The following RNF145 variants were observed in gnomAD, a reference collection of about 807,000 sequenced individuals.
RNF145 encodes the protein ring finger protein 145.
In RNF145, 12 loss-of-function variants were observed where a neutral mutation model predicts 57.3. That is an observed-to-expected ratio of 0.21 (90% confidence interval 0.13 to 0.34). RNF145 has a LOEUF of 0.34. Ranked by LOEUF, RNF145 falls within the 10% of genes least tolerant of loss-of-function variation. The pLI, the probability that RNF145 is intolerant of heterozygous loss-of-function variation, is 1.00. For synonymous variants in RNF145, 262 were observed against 288.3 expected, an observed-to-expected ratio of 0.91 and a Z score of 0.92; for missense variants, 429 against 799.0, an observed-to-expected ratio of 0.54 and a Z score of 5.58.
At chr5:159,185,051 C>T (rs1785014601) in intron 3 of RNF145, among the ~76,000 whole-genome samples, 5 of 152,172 alleles carry the variant, frequency 3.3e-5, no homozygotes, top group Admixed American at 2.6e-4. Context: ...CTGCCCCCCA[C>T]ATTCCTGTTC....
rs947896515 is a variant in RNF145, at chr5:159,157,882, A to T, written c.*788T>A. The T allele has an allele frequency of 1.3e-5, 2 of 152,786 alleles. No homozygotes were observed. The highest frequency in any genetic ancestry group is 4.8e-5 in the African/African-American group (2 of 41,440). 9.5% of individuals were successfully genotyped at this position (152,786 alleles called of 1,614,324 possible). A position where few individuals can be genotyped will look rare whatever the true frequency, so the allele number is the denominator to read the frequency against. ...AGCCCTTCCCACTTTGGTCTCCTTC[A>T]CTAAAGCAGACTCCAAAGTGTTCAT... On this transcript the variant is annotated 3_prime_UTR_variant, in exon 11 of 11. Coordinates refer to ENST00000424310, the MANE Select transcript of RNF145 (RefSeq NM_001199383.2).
intron 5 of RNF145, among the ~76,000 whole-genome samples, chr5:159,174,898 T>C (rs879884092): frequency 8.5e-5 from 13 of 152,164 alleles, no homozygotes; most frequent in Admixed American, 2.0e-4. Context: ...TGATTCAATC[T>C]AAGAGCATAG....
At chr5:159,167,560 CAG>C (rs1166645039) in intron 8 of RNF145, among the ~76,000 whole-genome samples, 4 of 152,252 alleles carry the variant, frequency 2.6e-5, no homozygotes, top group Non-Finnish European at 5.9e-5. Flanking sequence ...TAATTAATAA[CAG>C]ATGACATTGA....
rs367971750 is a variant in RNF145, at chr5:159,201,074, T to C, written c.184+2360A>G. Among the ~76,000 whole-genome samples, 18 of 152,294 alleles carry C rather than the reference T, an allele frequency of 1.2e-4. No individual in the cohort carries two copies. The East Asian group carries it at 2.3e-3, about 20-fold the overall frequency. On this transcript the variant is annotated intron_variant, in intron 2 of 10. Transcript: ENST00000424310. ...TGTCAACACTACAAATATATATAAG[T>C]TAACCCTTGAACAACATAGGATGGA...
chr5:159,169,589 T>C, intron 7 of RNF145, 90 bp downstream of exon 7: 1 of 1,153,388 alleles, frequency 8.7e-7, no homozygotes, highest in East Asian at 2.6e-5. Flanking sequence ...CCATTTCTTC[T>C]AAAATTCATC....
At chr5:159,195,274 CT>C (rs2113213514) in intron 2 of RNF145, among the ~76,000 whole-genome samples, 1 of 152,262 alleles carries the variant, frequency 6.6e-6, no homozygotes, top group African/African-American at 2.4e-5. Flanking sequence ...GTCGTTCCCC[CT>C]GACATCACTC....
At chr5:159,169,445 G>A (rs1784479630) in intron 7 of RNF145, among the ~76,000 whole-genome samples, 1 of 152,068 alleles carries the variant, frequency 6.6e-6, no homozygotes, top group Non-Finnish European at 1.5e-5. Context: ...AAGAAATCTA[G>A]GGAAGGAAGG....
intron 8 of RNF145, among the ~76,000 whole-genome samples, chr5:159,168,055 T>TTTTAAGAAATTCGA (rs1228835883): frequency 1.3e-5 from 2 of 152,184 alleles, no homozygotes; most frequent in Non-Finnish European, 2.9e-5. Flanking sequence ...TGACATCGAA[T>TTTTAAGAAATTCGA]TTTAAGAAAT....
chr5:159,187,054 G>C (rs1028519924), intron 3 of RNF145, among the ~76,000 whole-genome samples: 3 of 151,886 alleles, frequency 2.0e-5, no homozygotes, highest in Non-Finnish European at 2.9e-5. Flanking sequence ...GCCAAGGTGG[G>C]CGGATCACCT....
chr5:159,195,185 T>C (rs1785415822), intron 2 of RNF145, among the ~76,000 whole-genome samples: 1 of 152,198 alleles, frequency 6.6e-6, no homozygotes, highest in African/African-American at 2.4e-5. Flanking sequence ...TTAATGTCTC[T>C]TTCCAAGGCT....
intron 2 of RNF145, 146 bp downstream of exon 2, chr5:159,203,288 C>G (rs1390228436): frequency 1.6e-6 from 1 of 612,860 alleles, no homozygotes; most frequent in East Asian, 2.7e-5. Context: ...TAAGACAAAA[C>G]TATCAAGATT....
rs148413583 is a variant in RNF145, at chr5:159,204,170, C to A, written c.-39-514G>T. ...AATCAAAATTGAAGTGCTAAATTTA[C>A]AATCCAGAGAACTCATGATGTAGAT... is the stretch of plus-strand genomic sequence containing the variant. On this transcript the variant is annotated intron_variant, in intron 1 of 10. Coordinates refer to ENST00000424310, the MANE Select transcript of RNF145 (RefSeq NM_001199383.2). Among the ~76,000 whole-genome samples the A allele has an allele frequency of 5.2e-3, 796 of 152,290 alleles. 9 individuals are homozygous for A. Among genetic ancestry groups the A allele is most frequent in the African/African-American group, 0.018 (758 of 41,562 alleles).
chr5:159,209,170 G>A (rs1660960590), intron 1 of RNF145, 61 bp downstream of exon 1: 2 of 704,618 alleles, frequency 2.8e-6, no homozygotes, highest in South Asian at 6.4e-5. Context: ...GGGGAGGGAG[G>A]CCGTGGGAAG....
At chr5:159,159,199 A>G (rs1784135644) in intron 10 of RNF145, among the ~76,000 whole-genome samples, 164 bp from the exon 11 acceptor site, 1 of 152,218 alleles carries the variant, frequency 6.6e-6, no homozygotes, top group Non-Finnish European at 1.5e-5. Flanking sequence ...TCCTGCTGCC[A>G]TCACAGATCC....
Position 159,159,048 on chromosome 5 carries a change from GA to G in RNF145, c.1627-14del, listed in dbSNP as rs761105464. The G allele has an allele frequency of 1.9e-6, 3 of 1,592,724 alleles. No individual in the cohort carries two copies. The highest frequency in any genetic ancestry group is 2.6e-6 in the Non-Finnish European group (3 of 1,169,790). ...CAGATTTCATGTCCTAAAAGAGGGG[GA>G]AAAAAGATACCTTATAAATGTCTGT... is the stretch of plus-strand genomic sequence containing the variant. On this transcript the variant is annotated splice_polypyrimidine_tract_variant and intron_variant, in intron 10 of 10. Coordinates refer to ENST00000424310, the MANE Select transcript of RNF145 (RefSeq NM_001199383.2).
At chr5:159,174,223 A>G in intron 5 of RNF145, 65 bp from the exon 6 acceptor site, 1 of 1,077,752 alleles carries the variant, frequency 9.3e-7, no homozygotes, top group Non-Finnish European at 1.3e-6. Context: ...TAAACACTTG[A>G]GTCAAATCAG....
At chr5:159,170,933 A>G (rs1441540563) in intron 6 of RNF145, among the ~76,000 whole-genome samples, 1 of 152,160 alleles carries the variant, frequency 6.6e-6, no homozygotes, top group Non-Finnish European at 1.5e-5. Context: ...TTCAAAGAAG[A>G]ATTTCACTGA....
intron 4 of RNF145, among the ~76,000 whole-genome samples, chr5:159,181,176 G>A (rs1784882025): frequency 6.7e-6 from 1 of 150,108 alleles, no homozygotes; most frequent in South Asian, 2.1e-4. Context: ...AAATAAAAGT[G>A]TAACTCAAAA....
At chr5:159,193,410 C>A (rs185013856) in intron 3 of RNF145, among the ~76,000 whole-genome samples, 5 of 152,186 alleles carry the variant, frequency 3.3e-5, no homozygotes, top group Admixed American at 2.0e-4. Flanking sequence ...GAGGAAAATG[C>A]AAGAAGAGTA....
Sources: allele counts gnomAD v4.1 joint callset (sites outside exome capture counted in the v4.1 genomes callset), GRCh38; gene constraint gnomAD v4.1.1; transcripts MANE v1.5; gene names NCBI Gene and HGNC (gene_info 2026-07-23, HGNC 2026-07-21).